Variants in TBC1D13 observed in about 807,000 individuals in gnomAD.
TBC1D13 encodes TBC1 domain family member 13.
In TBC1D13, 40 loss-of-function variants were observed where a neutral mutation model predicts 53.6. That is an observed-to-expected ratio of 0.75 (90% CI 0.58 to 0.97). The LOEUF is 0.97. Among genes scored for constraint, TBC1D13 ranks in the 50% least tolerant of loss-of-function variants. The pLI is 0.00. For missense variants in TBC1D13, 377 were observed against 499.4 expected, an observed-to-expected ratio of 0.75 and a Z score of 2.34; for synonymous variants, 182 against 197.7, an observed-to-expected ratio of 0.92 and a Z score of 0.67.
chr9:128,789,332 A>AAAC (rs1829486758), intron 2 of TBC1D13, among the ~76,000 whole-genome samples: 1 of 151,496 alleles, frequency 6.6e-6, no homozygotes, highest in Non-Finnish European at 1.5e-5. Context: ...AAAAAAAAAA[A>AAAC]AAAAGAACTT....
chr9:128,798,612 ACT>A (rs1829678001), intron 7 of TBC1D13, among the ~76,000 whole-genome samples: 1 of 151,836 alleles, frequency 6.6e-6, no homozygotes, highest in African/African-American at 2.4e-5. Flanking sequence ...GATCTGAGAG[ACT>A]CTGGGTGGAA....
In TBC1D13 at chr9:128,808,408, C is replaced by CGTGTGTGTGTGTGG. The variant is rs1829881947; in HGVS notation, c.*542_*543insGGTGTGTGTGTGTG. The CGTGTGTGTGTGTGG allele has an allele frequency of 8.2e-6, 1 of 121,720 alleles. No homozygotes were observed. The allele number at this position is 121,720 out of a possible 1,614,324, so 7.5% of individuals were successfully genotyped here. ...GGCCCAAGTCCCCAGGCATCTTCTC[C>CGTGTGTGTGTGTGG]GTGTGTGTGTGTGTGTGTGTGTGTG... On this transcript the variant is annotated 3_prime_UTR_variant, in exon 12 of 12. Transcript: ENST00000372648.
intron 3 of TBC1D13, 114 bp from the exon 4 acceptor site, chr9:128,791,265 AT>A: frequency 9.8e-7 from 1 of 1,019,616 alleles, no homozygotes; most frequent in African/African-American, 1.6e-5. Flanking sequence ...ATTTTAGCCC[AT>A]CTTGTCTTCT....
intron 3 of TBC1D13, 81 bp downstream of exon 3, chr9:128,790,856 C>G (rs574404413): frequency 9.8e-6 from 14 of 1,421,916 alleles, no homozygotes; most frequent in Non-Finnish European, 1.2e-5. Context: ...CCCCTGGCTT[C>G]TTCCTCCTGT....
chr9:128,790,340 G>A (rs763082008), intron 2 of TBC1D13, among the ~76,000 whole-genome samples: 118 of 151,948 alleles, frequency 7.8e-4, no homozygotes, highest in Non-Finnish European at 1.5e-3. Flanking sequence ...TTGGGAGGCC[G>A]AAGTGGGGGG....
rs774584377 is a variant in TBC1D13 at position 128,803,501 on chromosome 9, C to T, written c.754+41C>T. 213 of 1,593,134 alleles carry T rather than the reference C, an allele frequency of 1.3e-4. 1 individual carries two copies. In the South Asian group the frequency reaches 2.1e-3, roughly 16 times the overall value. On this transcript the variant is annotated intron_variant, in intron 8 of 11. Transcript: ENST00000372648. ...GTGCCCACATCCCTCGTTGCTGGCCCGTGTCAGGCTGTGCACCTCACTTTC... is the reference window on the plus strand; with the variant it reads ...GTGCCCACATCCCTCGTTGCTGGCCTGTGTCAGGCTGTGCACCTCACTTTC...
chr9:128,806,365 G>A (rs551819835), intron 11 of TBC1D13, 54 bp downstream of exon 11: 2 of 1,606,288 alleles, frequency 1.2e-6, no homozygotes, highest in Admixed American at 3.3e-5. Flanking sequence ...GCACTCGCCA[G>A]GCACCTGCCC....
At chr9:128,800,536 A>C (rs1450559564) in intron 7 of TBC1D13, among the ~76,000 whole-genome samples, 1 of 151,778 alleles carries the variant, frequency 6.6e-6, no homozygotes, top group South Asian at 2.1e-4. Flanking sequence ...ACACCTGGCT[A>C]ATTTTTGTAT....
At position 128,806,052 on chromosome 9, in the gene TBC1D13, C is replaced by T. The variant is rs73669976; in HGVS notation, c.1079+33C>T. The T allele has an allele frequency of 4.6e-3, 7,377 of 1,605,592 alleles. 278 individuals are homozygous for T. The African/African-American group carries it at 0.085, about 18-fold the overall frequency. On this transcript the variant is annotated intron_variant, in intron 10 of 11. Coordinates refer to ENST00000372648, the MANE Select transcript of TBC1D13 (RefSeq NM_018201.5). ...CGGGCATGAGCTGTCATCAGCTCAC[C>T]TGGGCAGTCCTTGGAGAAGCCAGAC...
Position 128,790,736 on chromosome 9 carries a change from C to T in TBC1D13, c.99C>T (p.Gly33=). 1.3e-6 allele frequency: 2 copies of T among 1,552,028 alleles called. No individual in the cohort carries two copies. Among genetic ancestry groups the T allele is most frequent in the Non-Finnish European group, 1.7e-6 (2 of 1,157,718 alleles). The change falls in exon 3 of 12, where the codon GGC becomes GGT. Residue 33 remains glycine, a splice_region_variant and synonymous_variant. Transcript: ENST00000372648. Reference sequence around the variant, plus strand: ...GACCTTTGCCTGCTGTGTCCACAGGCATCCCCTGTGAGGGCGGACTGCGGT... The same window carrying T: ...GACCTTTGCCTGCTGTGTCCACAGGTATCCCCTGTGAGGGCGGACTGCGGT... The part of the protein sequence containing the change: ...LEKLRELSFS[G]IPCEGGLRCL...
intron 6 of TBC1D13, among the ~76,000 whole-genome samples, chr9:128,794,074 C>T (rs552508529): frequency 2.0e-5 from 3 of 151,984 alleles, no homozygotes; most frequent in Non-Finnish European, 4.4e-5. Flanking sequence ...TTTGGGGGAT[C>T]GAGGAAAGCC....
chr9:128,803,123 G>A (rs777564919), intron 7 of TBC1D13, 127 bp from the exon 8 acceptor site: 37 of 770,396 alleles, frequency 4.8e-5, no homozygotes, highest in Non-Finnish European at 7.0e-5. Context: ...GTGTAATCAC[G>A]GCTCACTGCA....
chr9:128,804,990 A>G (rs1052980093), intron 9 of TBC1D13, among the ~76,000 whole-genome samples: 1 of 151,862 alleles, frequency 6.6e-6, no homozygotes, highest in Non-Finnish European at 1.5e-5. Flanking sequence ...CCCTCTCCCA[A>G]AGTGCTGGGA....
At chr9:128,807,632 A>C (rs1182934025) in intron 11 of TBC1D13, among the ~76,000 whole-genome samples, 182 bp from the exon 12 acceptor site, 1 of 152,144 alleles carries the variant, frequency 6.6e-6, no homozygotes. Context: ...TTGGTGCTGC[A>C]TGGTGTAGCG....
intron 6 of TBC1D13, among the ~76,000 whole-genome samples, chr9:128,793,747 G>A (rs927271627): frequency 2.6e-5 from 4 of 152,144 alleles, no homozygotes; most frequent in African/African-American, 9.7e-5. Context: ...TGGTTAGACA[G>A]AACAAGCTGG....
In TBC1D13 at chr9:128,805,993, C is replaced by T. The variant is rs756945992; in HGVS notation, c.1053C>T (p.Leu351=). The T allele has an allele frequency of 5.0e-6, 8 of 1,614,090 alleles. No homozygotes were observed. The African/African-American group carries it at 8.0e-5, about 16-fold the overall frequency. Residue 351 remains leucine, a synonymous_variant, in exon 10 of 12, where the codon CTC becomes CTT. Coordinates refer to ENST00000372648, the MANE Select transcript of TBC1D13 (RefSeq NM_018201.5). ...LFADDNRFDF[L]LLVCCAMLML... is the part of the protein sequence containing the mutation. Reference sequence around the variant, plus strand: ...CCGATGACAACCGCTTTGACTTCCTCCTCCTCGTCTGCTGCGCCATGCTCA... The same window carrying T: ...CCGATGACAACCGCTTTGACTTCCTTCTCCTCGTCTGCTGCGCCATGCTCA...
At chr9:128,798,265 A>T (rs1422485626) in intron 7 of TBC1D13, among the ~76,000 whole-genome samples, 2 of 152,098 alleles carry the variant, frequency 1.3e-5, no homozygotes, top group Non-Finnish European at 2.9e-5. Context: ...AAAAAAAGAA[A>T]AGAAGAGAAC....
Position 128,787,347 on chromosome 9 carries a change from C to T in TBC1D13, c.-7C>T, listed in dbSNP as rs2132525379. 22 of 1,261,576 alleles carry T rather than the reference C, an allele frequency of 1.7e-5. No individual in the cohort carries two copies. Among genetic ancestry groups the T allele is most frequent in the Non-Finnish European group, 2.2e-5 (22 of 996,880 alleles). The allele number at this position is 1,261,576 out of a possible 1,614,324, so 78.1% of individuals were successfully genotyped here. A position where few individuals can be genotyped will look rare whatever the true frequency, so the allele number is the denominator to read the frequency against. On this transcript the variant is annotated 5_prime_UTR_variant, in exon 1 of 12. Transcript: ENST00000372648. ...GGAGGCGGCTGGGGGGTCCGGAAGT[C>T]AACACCATGTCAAGTCTGCACAAGA...
rs1829872873 is a variant in TBC1D13 at position 128,808,139 on chromosome 9, C to T, written c.*260C>T. 1 of 476,488 alleles carries T rather than the reference C, an allele frequency of 2.1e-6. No homozygotes were observed. The highest frequency in any genetic ancestry group is 3.9e-6 in the Non-Finnish European group (1 of 259,042). 29.5% of individuals were successfully genotyped at this position (476,488 alleles called of 1,614,324 possible). ...GCTCGGGAAGTTGTCCTTCCTGGGC[C>T]AGGGCCGTTTCTGGCACTGGGAGGC... On this transcript the variant is annotated 3_prime_UTR_variant, in exon 12 of 12. Coordinates refer to ENST00000372648, the MANE Select transcript of TBC1D13 (RefSeq NM_018201.5).
Sources: gnomAD v4.1 joint callset for allele counts (sites outside exome capture counted in the v4.1 genomes callset) on GRCh38, gnomAD v4.1.1 for gene constraint, MANE v1.5 for transcripts, NCBI Gene and HGNC (gene_info 2026-07-23, HGNC 2026-07-21) for gene names.